Variants in FBXO38 observed in about 807,000 individuals in gnomAD.
The protein encoded by FBXO38 is F-box protein 38.
In FBXO38, 53 loss-of-function variants were observed where a neutral mutation model predicts 131.9. The observed-to-expected ratio is 0.40, with a 90% CI of 0.32 to 0.51. FBXO38 has a LOEUF of 0.51. FBXO38 is among the 20% of genes least tolerant of loss of function. The probability of loss-of-function intolerance (pLI) is 0.53; values close to 1 mark genes in which losing one functional copy is unlikely to be tolerated. For synonymous variants in FBXO38, 452 were observed against 505.6 expected (o/e 0.89, Z 1.42); for missense variants, 1,076 against 1,475.6 (o/e 0.73, Z 4.44).
At chr5:148,386,070 G>C (rs1561506599) in intron 1 of FBXO38, among the ~76,000 whole-genome samples, 1 of 152,142 alleles carries the variant, frequency 6.6e-6, no homozygotes, top group Non-Finnish European at 1.5e-5. Context: ...AGCTAAGCAG[G>C]CAGCCACAGA....
chr5:148,401,927 A>G, intron 3 of FBXO38, 55 bp from the exon 4 acceptor site: 1 of 1,496,800 alleles, frequency 6.7e-7, no homozygotes, highest in East Asian at 2.3e-5. Flanking sequence ...AGTGCCTAGT[A>G]AATGTTAATG....
chr5:148,418,852 C>G (rs1022311327), intron 12 of FBXO38, among the ~76,000 whole-genome samples: 9 of 152,106 alleles, frequency 5.9e-5, no homozygotes, highest in African/African-American at 2.2e-4. Flanking sequence ...TATATTGTTG[C>G]AACAAGGACC....
chr5:148,421,091 C>T (rs756841421), intron 12 of FBXO38, among the ~76,000 whole-genome samples: 11 of 152,012 alleles, frequency 7.2e-5, no homozygotes, highest in African/African-American at 1.7e-4. Flanking sequence ...CTCAGCCTCC[C>T]GATTAGCTGG....
At chr5:148,434,359 T>A (rs1021087452) in intron 17 of FBXO38, 1 of 152,196 alleles carries the variant, frequency 6.6e-6, no homozygotes, top group Admixed American at 6.5e-5. Flanking sequence ...TTCTTAAAAT[T>A]TAGGTACATA....
At chr5:148,397,789 T>C (rs1419113248) in intron 2 of FBXO38, 1 of 152,198 alleles carries the variant, frequency 6.6e-6, no homozygotes, top group Admixed American at 6.5e-5. Context: ...ATGTGACATT[T>C]TGCAGGTTTA....
intron 7 of FBXO38, among the ~76,000 whole-genome samples, chr5:148,406,952 C>T (rs1752478338): frequency 6.6e-6 from 1 of 151,862 alleles, no homozygotes; most frequent in African/African-American, 2.4e-5. Context: ...CATCTCATTG[C>T]AGAAAAAAAA....
rs761433013 is a variant in FBXO38, at chr5:148,440,462, G to A, written c.3209G>A (p.Arg1070Gln). Reference sequence around the variant, plus strand: ...TATGAATTCTTCCCTGAAGCCACTCGAAGTGAAGAAGACTTAAAGAAATAC... The same window carrying A: ...TATGAATTCTTCCCTGAAGCCACTCAAAGTGAAGAAGACTTAAAGAAATAC... ...IKYEFFPEAT[R>Q]SEEDLKKYPK... The change falls in exon 20 of 22, where the codon CGA (arginine) becomes CAA (glutamine). Residue 1070 changes from arginine (R) to glutamine (Q), a missense_variant. Around this residue, in one of 8 missense-constraint regions of FBXO38, gnomAD observed 282 missense variants for 418.8 expected, o/e 0.67. Coordinates refer to ENST00000340253, the MANE Select transcript of FBXO38 (RefSeq NM_205836.3). The A allele has an allele frequency of 4.3e-6, 7 of 1,612,638 alleles. No homozygotes were observed. Among genetic ancestry groups the A allele is most frequent in the South Asian group, 1.1e-5 (1 of 91,006 alleles).
rs371794724 is a variant in FBXO38, at chr5:148,438,445, C to T, written c.2971C>T (p.Leu991=). ...CATGGATCAGGTACTAGACCAGATA[C>T]TAAGAATGCCACCCGAGAGAAACCG... ...LNMDQVLDQI[L]RMPPERNRII... is the part of the protein sequence containing the mutation. The change falls in exon 18 of 22, where the codon CTA becomes TTA. Residue 991 remains leucine (L), a synonymous_variant. Coordinates refer to ENST00000340253, the MANE Select transcript of FBXO38 (RefSeq NM_205836.3). 2 of 1,614,050 alleles carry T rather than the reference C, an allele frequency of 1.2e-6. No individual in the cohort carries two copies. Among genetic ancestry groups the T allele is most frequent in the African/African-American group, 2.7e-5 (2 of 75,058 alleles).
chr5:148,389,817 T>A (rs1280296706), intron 1 of FBXO38: 1 of 152,066 alleles, frequency 6.6e-6, no homozygotes, highest in Non-Finnish European at 1.5e-5. Context: ...TCACTTGAGG[T>A]CAGGAGTTCG....
At chr5:148,424,266 C>A in intron 13 of FBXO38, 149 bp downstream of exon 13, 1 of 789,984 alleles carries the variant, frequency 1.3e-6, no homozygotes, top group Non-Finnish European at 1.9e-6. Context: ...TAATACATTG[C>A]TGGTATTCTT....
At chr5:148,425,835 C>G (rs1485513987) in intron 14 of FBXO38, 134 bp downstream of exon 14, 1 of 721,362 alleles carries the variant, frequency 1.4e-6, no homozygotes, top group African/African-American at 1.8e-5. Flanking sequence ...TGCACTTGCC[C>G]AAGTAAGGGA....
chr5:148,427,647 C>T lies in FBXO38; in HGVS notation c.2353C>T (p.Gln785Ter). ...CTGCTGTCACAGGCCCCAGGAATCCCAAAGGAGAACTAGCAGGTGTTCTGA... is the reference window on the plus strand; with the variant it reads ...CTGCTGTCACAGGCCCCAGGAATCCTAAAGGAGAACTAGCAGGTGTTCTGA... ...RCCCHRPQES[Q>*]RRTSRCSDEE... is the part of the protein sequence containing the mutation. The change falls in exon 15 of 22, where the codon CAA becomes TAA. Residue 785 changes from glutamine (Q) to a stop codon, truncating the protein, a stop_gained. Coordinates refer to ENST00000340253, the MANE Select transcript of FBXO38 (RefSeq NM_205836.3). LOFTEE classifies it high-confidence loss of function. 1 of 1,614,180 alleles carries T rather than the reference C, an allele frequency of 6.2e-7. No individual in the cohort carries two copies. The highest frequency in any genetic ancestry group is 8.5e-7 in the Non-Finnish European group (1 of 1,180,040).
chr5:148,415,613 C>G (rs1437850984), intron 10 of FBXO38, among the ~76,000 whole-genome samples: 1 of 152,024 alleles, frequency 6.6e-6, no homozygotes, highest in African/African-American at 2.4e-5. Flanking sequence ...ACATAATGTT[C>G]TATTAAATAA....
At chr5:148,429,811 T>C (rs1753929618) in intron 15 of FBXO38, among the ~76,000 whole-genome samples, 1 of 152,174 alleles carries the variant, frequency 6.6e-6, no homozygotes, top group Non-Finnish European at 1.5e-5. Context: ...GTGTTCTGCT[T>C]ATCCCTTAAC....
rs1752198863 is a variant in FBXO38 at position 148,402,245 on chromosome 5, C to G, written c.426+100C>G. On this transcript the variant is annotated intron_variant, in intron 4 of 21. Transcript: ENST00000340253. ...ACTCACATGCAAATCTCATCTGTCA[C>G]AAACTTTTAAGTTCCATTGTGTACT... 2.6e-6 allele frequency: 4 copies of G among 1,543,212 alleles called. No homozygotes were observed. The South Asian group carries it at 4.8e-5, about 19-fold the overall frequency.
chr5:148,432,087 G>A (rs1414603825), intron 15 of FBXO38, among the ~76,000 whole-genome samples: 1 of 152,096 alleles, frequency 6.6e-6, no homozygotes, highest in Non-Finnish European at 1.5e-5. Flanking sequence ...TCATGTTTGA[G>A]ATTACAGAAT....
At chr5:148,400,169 G>A (rs1324800670) in intron 3 of FBXO38, among the ~76,000 whole-genome samples, 1 of 152,052 alleles carries the variant, frequency 6.6e-6, no homozygotes, top group Non-Finnish European at 1.5e-5. Flanking sequence ...TAATAGGTTT[G>A]TGGGAGGCAA....
At chr5:148,400,151 G>T (rs1242853563) in intron 3 of FBXO38, among the ~76,000 whole-genome samples, 3 of 152,006 alleles carry the variant, frequency 2.0e-5, no homozygotes, top group Non-Finnish European at 4.4e-5. Context: ...CCTGAGGCTG[G>T]AGCTTATTAA....
chr5:148,432,069 G>A (rs562253970), intron 15 of FBXO38, among the ~76,000 whole-genome samples: 3 of 152,042 alleles, frequency 2.0e-5, no homozygotes, highest in Admixed American at 6.6e-5. Flanking sequence ...GTCTTTTTTT[G>A]TGATCTTTCA....
Sources: allele counts gnomAD v4.1 joint callset (sites outside exome capture counted in the v4.1 genomes callset), GRCh38; gene constraint gnomAD v4.1.1; regional missense constraint gnomAD v4.1.1; transcripts MANE v1.5; gene names NCBI Gene and HGNC (gene_info 2026-07-23, HGNC 2026-07-21).